Variants in KCTD1 observed in about 807,000 individuals in gnomAD.
KCTD1 encodes BTB/POZ domain-containing protein KCTD1.
KCTD1 carries 24 observed loss-of-function variants against 66.0 expected under a neutral mutation model. The ratio of observed to expected loss-of-function variants is 0.36; its 90% confidence interval spans 0.26 to 0.51. The LOEUF (loss-of-function observed/expected upper bound fraction) is 0.51, where lower values mean the gene tolerates loss of function less well. Among genes scored for constraint, KCTD1 ranks in the 20% least tolerant of loss-of-function variants. The pLI is 0.95. For missense variants in KCTD1, 943 were observed against 1,205.2 expected (o/e 0.78, Z 3.22); for synonymous variants, 511 against 517.2 (o/e 0.99, Z 0.16).
rs993367041 is a variant in KCTD1 at position 26,467,822 on chromosome 18, C to A, written c.2134-7897G>T. ...AGAGCGAGACCCTATCTCAAAAAAA[C>A]CAATTTTTTTTAAATTAATTAAAAA... On this transcript the variant is annotated intron_variant, in intron 3 of 4. Coordinates refer to ENST00000580059, the MANE Select transcript of KCTD1 (RefSeq NM_001142730.3). Among the ~76,000 whole-genome samples, 8 of 152,032 alleles carry A rather than the reference C, an allele frequency of 5.3e-5. No individual in the cohort carries two copies. The East Asian group carries it at 5.8e-4, about 11-fold the overall frequency.
chr18:26,537,291 CAGAA>C (rs527592226), intron 1 of KCTD1, among the ~76,000 whole-genome samples: 1 of 152,042 alleles, frequency 6.6e-6, no homozygotes, highest in African/African-American at 2.4e-5. Flanking sequence ...ATAGTTTTGT[CAGAA>C]AGAATATCAC....
chr18:26,531,269 A>C (rs925313134), intron 1 of KCTD1, among the ~76,000 whole-genome samples: 26 of 152,162 alleles, frequency 1.7e-4, no homozygotes, highest in African/African-American at 6.0e-4. Context: ...AAGCAGGAGG[A>C]TCCCTTGAGC....
chr18:26,538,465 C>T (rs74437391), intron 1 of KCTD1, among the ~76,000 whole-genome samples: 8,051 of 152,022 alleles, frequency 0.053, 241 homozygotes, highest in Non-Finnish European at 0.064. Flanking sequence ...ACTGAGATTT[C>T]GTATCTCCCA....
chr18:26,524,515 G>A (rs1984064316), intron 1 of KCTD1, among the ~76,000 whole-genome samples: 1 of 152,154 alleles, frequency 6.6e-6, no homozygotes, highest in Non-Finnish European at 1.5e-5. Context: ...AAGTCACTCA[G>A]GCTCAGGAAT....
chr18:26,466,942 C>G (rs781629580), intron 3 of KCTD1, among the ~76,000 whole-genome samples: 2 of 152,106 alleles, frequency 1.3e-5, no homozygotes, highest in Non-Finnish European at 2.9e-5. Context: ...AGCCCAGTCT[C>G]CAGCAAGTTG....
intron 1 of KCTD1, among the ~76,000 whole-genome samples, chr18:26,503,654 T>C (rs1419465588): frequency 6.6e-6 from 1 of 152,104 alleles, no homozygotes; most frequent in African/African-American, 2.4e-5. Flanking sequence ...AGGGTTAATA[T>C]TGTCGTTAGA....
At chr18:26,541,679 C>T (rs1984980254) in intron 1 of KCTD1, among the ~76,000 whole-genome samples, 1 of 152,194 alleles carries the variant, frequency 6.6e-6, no homozygotes, top group Non-Finnish European at 1.5e-5. Flanking sequence ...GGTTCAGCTT[C>T]CTGTAGTGCT....
At chr18:26,546,630 T>G in intron 1 of KCTD1, 98 bp downstream of exon 1, 6 of 1,365,876 alleles carry the variant, frequency 4.4e-6, no homozygotes, top group Non-Finnish European at 5.8e-6. Context: ...TTACCTACTT[T>G]TTAAAACTTC....
chr18:26,640,570 C>T (rs1293761412), upstream of KCTD1, among the ~76,000 whole-genome samples: 1 of 152,128 alleles, frequency 6.6e-6, no homozygotes, highest in African/African-American at 2.4e-5. Flanking sequence ...TGCATCTGCA[C>T]ATACACGTGT....
In KCTD1 at chr18:26,479,983, TG is replaced by T. The variant is rs149655351; in HGVS notation, c.1989-3325del. On this transcript the variant is annotated intron_variant, in intron 2 of 4. Coordinates refer to ENST00000580059, the MANE Select transcript of KCTD1 (RefSeq NM_001142730.3). ...GTTTACTAACCTTGGAGAACATTCCTGTTTTCCAACTAGCCAAGACCAAGCT... is the reference window on the plus strand; with the variant it reads ...GTTTACTAACCTTGGAGAACATTCCTTTTTCCAACTAGCCAAGACCAAGCT... Among the ~76,000 whole-genome samples, 1,203 of 152,148 alleles carry T rather than the reference TG, an allele frequency of 7.9e-3. 10 individuals are homozygous for T. The highest frequency in any genetic ancestry group is 0.049 in the East Asian group (253 of 5,174).
intron 1 of KCTD1, among the ~76,000 whole-genome samples, chr18:26,557,442 T>C (rs1316434974): frequency 6.6e-6 from 1 of 152,174 alleles, no homozygotes; most frequent in Non-Finnish European, 1.5e-5. Context: ...TTTCCTAGAA[T>C]TGTTAGTTTT....
chr18:26,511,860 G>A (rs11664805), intron 1 of KCTD1, among the ~76,000 whole-genome samples: 15,676 of 152,126 alleles, frequency 0.1, 1,048 homozygotes, highest in Non-Finnish European at 0.13. Flanking sequence ...GAGGGTCAGT[G>A]ATCACAGAGA....
At chr18:26,653,139 T>A (rs1315220960) in intron 1 of KCTD1, among the ~76,000 whole-genome samples, 1 of 152,136 alleles carries the variant, frequency 6.6e-6, no homozygotes, top group African/African-American at 2.4e-5. Context: ...GCAGAGTTAT[T>A]CTTTCCAAAC....
chr18:26,537,591 AT>A (rs1984767817), intron 1 of KCTD1, among the ~76,000 whole-genome samples: 1 of 152,214 alleles, frequency 6.6e-6, no homozygotes, highest in Non-Finnish European at 1.5e-5. Flanking sequence ...ATTTCTATTG[AT>A]TTACATAGTA....
rs1187112148 is a variant in KCTD1, at chr18:26,547,985, C to T, written c.552G>A (p.Arg184=). ...LATRYAVRIF[R]EYLSEKAQSP... ...TCTGCGCCTTCTCGCTCAGGTACTCCCGGAAGATGCGCACGGCGTAGCGGG... is the reference window on the plus strand; with the variant it reads ...TCTGCGCCTTCTCGCTCAGGTACTCTCGGAAGATGCGCACGGCGTAGCGGG... The change falls in exon 1 of 5, where the codon CGG becomes CGA. Residue 184 remains arginine (R), a synonymous_variant. Transcript: ENST00000580059. 6.5e-7 allele frequency: 1 copy of T among 1,537,918 alleles called. No individual in the cohort carries two copies. Among genetic ancestry groups the T allele is most frequent in the Non-Finnish European group, 8.7e-7 (1 of 1,144,774 alleles).
At chr18:26,580,140 C>A (rs768855776) in intron 1 of KCTD1, among the ~76,000 whole-genome samples, 3 of 152,092 alleles carry the variant, frequency 2.0e-5, no homozygotes, top group Non-Finnish European at 4.4e-5. Context: ...GAGCACCCAC[C>A]CTGTGCCAAG....
intron 2 of KCTD1, among the ~76,000 whole-genome samples, chr18:26,490,099 G>A (rs1440112279): frequency 2.0e-5 from 3 of 152,158 alleles, no homozygotes; most frequent in Admixed American, 2.0e-4. Flanking sequence ...TTGTGCCAGA[G>A]TCAATAGGAA....
At chr18:26,623,973 G>A (rs1987444778) in intron 1 of KCTD1, among the ~76,000 whole-genome samples, 1 of 152,324 alleles carries the variant, frequency 6.6e-6, no homozygotes, top group East Asian at 1.9e-4. Flanking sequence ...CCAGGGTGAG[G>A]TGGTCTCAAA....
chr18:26,556,855 C>T (rs1985718304), intron 1 of KCTD1, among the ~76,000 whole-genome samples: 1 of 152,186 alleles, frequency 6.6e-6, no homozygotes, highest in South Asian at 2.1e-4. Flanking sequence ...ATTTCCACTG[C>T]CTAGAGAAAA....
Sources: allele counts gnomAD v4.1 joint callset (sites outside exome capture counted in the v4.1 genomes callset), GRCh38; gene constraint gnomAD v4.1.1; transcripts MANE v1.5; gene names NCBI Gene and HGNC (gene_info 2026-07-23, HGNC 2026-07-21).